Variants in AOX1 observed in about 807,000 individuals in gnomAD.
AOX1 encodes aldehyde oxidase 1.
AOX1 carries 153 observed loss-of-function variants against 169.5 expected under a neutral mutation model. That is an observed-to-expected ratio of 0.90 (90% CI 0.79 to 1.03). The LOEUF (loss-of-function observed/expected upper bound fraction) is 1.03. Among genes scored for constraint, AOX1 ranks in the 50% least tolerant of loss-of-function variants. The pLI is 0.00. For synonymous variants in AOX1, 562 were observed against 581.9 expected (o/e 0.97, Z 0.49); for missense variants, 1,656 against 1,663.9 (o/e 1.00, Z 0.08).
At chr2:200,594,263 A>C (rs2034233842) in intron 2 of AOX1, among the ~76,000 whole-genome samples, 1 of 152,194 alleles carries the variant, frequency 6.6e-6, no homozygotes, top group Non-Finnish European at 1.5e-5. Flanking sequence ...ATGTCTCTCC[A>C]TAGCACTAAG....
chr2:200,649,421 C>G (rs747599067), intron 25 of AOX1, among the ~76,000 whole-genome samples: 1 of 152,290 alleles, frequency 6.6e-6, no homozygotes, highest in African/African-American at 2.4e-5. Flanking sequence ...TCTCCCTTCC[C>G]CCTCACAGCT....
At chr2:200,672,703 G>T (rs2036046030), downstream of AOX1, among the ~76,000 whole-genome samples, 1 of 152,166 alleles carries the variant, frequency 6.6e-6, no homozygotes, top group Non-Finnish European at 1.5e-5. Flanking sequence ...GAGTGCTAAG[G>T]GAAGAAGTAG....
At chr2:200,616,715 T>A (rs2034765472) in intron 16 of AOX1, among the ~76,000 whole-genome samples, 2 of 152,216 alleles carry the variant, frequency 1.3e-5, no homozygotes, top group Non-Finnish European at 2.9e-5. Context: ...GAAGTCACCC[T>A]GTTGGTAAAG....
intron 20 of AOX1, 21 bp from the exon 21 acceptor site, chr2:200,634,770 T>C: frequency 2.5e-6 from 4 of 1,613,464 alleles, no homozygotes; most frequent in Non-Finnish European, 3.4e-6. Context: ...TCCTTGACTT[T>C]TATGTATTTT....
intron 29 of AOX1, among the ~76,000 whole-genome samples, chr2:200,660,311 C>T (rs900777499): frequency 9.9e-5 from 15 of 152,212 alleles, no homozygotes; most frequent in Non-Finnish European, 1.9e-4. Flanking sequence ...TCTGCCAGAA[C>T]TCCTGTTTTA....
At chr2:200,662,795 G>A in intron 30 of AOX1, 60 bp from the exon 31 acceptor site, 1 of 1,350,440 alleles carries the variant, frequency 7.4e-7, no homozygotes, top group Non-Finnish European at 1.1e-6. Context: ...GGTCTGTTTA[G>A]TCATCATGGT....
Position 200,627,289 on chromosome 2 carries a change from G to A in AOX1, c.2125-64G>A, listed in dbSNP as rs1394228537. 4 of 1,042,116 alleles carry A rather than the reference G, an allele frequency of 3.8e-6. No homozygotes were observed. In the African/African-American group the frequency reaches 4.7e-5, roughly 12 times the overall value. 64.6% of individuals were successfully genotyped at this position (1,042,116 alleles called of 1,614,324 possible). A position where few individuals can be genotyped will look rare whatever the true frequency, so the allele number is the denominator to read the frequency against. ...CTGCTCAGAGGATGTGCAGTGGGGT[G>A]TGTCTGCTGCCCTAGGGCAGGGTCT... On this transcript the variant is annotated intron_variant, in intron 19 of 34. Coordinates refer to ENST00000374700, the MANE Select transcript of AOX1 (RefSeq NM_001159.4).
chr2:200,613,550 A>T (rs1270328023), intron 14 of AOX1, among the ~76,000 whole-genome samples: 1 of 152,208 alleles, frequency 6.6e-6, no homozygotes, highest in Non-Finnish European at 1.5e-5. Flanking sequence ...TGTGGATTTT[A>T]TATGAGTTGT....
chr2:200,646,003 T>C (rs1161883996), intron 25 of AOX1, among the ~76,000 whole-genome samples: 1 of 152,210 alleles, frequency 6.6e-6, no homozygotes, highest in African/African-American at 2.4e-5. Context: ...TATTTATCTT[T>C]TCAAAGAACC....
At chr2:200,612,935 A>C (rs1291192213) in intron 14 of AOX1, 142 bp downstream of exon 14, 10 of 667,294 alleles carry the variant, frequency 1.5e-5, no homozygotes, top group Non-Finnish European at 2.3e-5. Context: ...TTCCAATAAG[A>C]TTTTGTTATT....
At chr2:200,679,766 T>A (rs571656938), downstream of AOX1, among the ~76,000 whole-genome samples, 1 of 151,960 alleles carries the variant, frequency 6.6e-6, no homozygotes, top group Non-Finnish European at 1.5e-5. Flanking sequence ...ATGATTCACA[T>A]CTATTATGGT....
rs1446118096 is a variant in AOX1 at position 200,668,637 on chromosome 2, G to T, written c.3632G>T (p.Gly1211Val). ...CAGATTGAAGGTGCATTTATTCAAG[G>T]CATGGGACTTTATACAATAGAGGAA... Reference protein sequence around the residue: ...IGQIEGAFIQGMGLYTIEELN... With the variant: ...IGQIEGAFIQVMGLYTIEELN... The change falls in exon 33 of 35, where the codon GGC becomes GTC. Residue 1211 changes from glycine (G) to valine (V), a missense_variant. Gly to Val is a moderately radical substitution (Grantham distance 109). Coordinates refer to ENST00000374700, the MANE Select transcript of AOX1 (RefSeq NM_001159.4). 6.2e-7 allele frequency: 1 copy of T among 1,610,906 alleles called. No individual in the cohort carries two copies. The highest frequency in any genetic ancestry group is 1.1e-5 in the South Asian group (1 of 90,222).
downstream of AOX1, among the ~76,000 whole-genome samples, chr2:200,677,813 T>C (rs1232231425): frequency 6.6e-6 from 1 of 152,168 alleles, no homozygotes; most frequent in Admixed American, 6.5e-5. Context: ...ATATCCTTGT[T>C]TTTAGCATCG....
chr2:200,609,462 C>CG, intron 12 of AOX1, 48 bp downstream of exon 12: 1 of 1,478,674 alleles, frequency 6.8e-7, no homozygotes, highest in Non-Finnish European at 9.5e-7. Context: ...TTCTCTACCC[C>CG]TTTTTCTCTC....
chr2:200,666,879 A>C lies in AOX1; in HGVS notation c.3609+127A>C, dbSNP rs1324936402. On this transcript the variant is annotated intron_variant, in intron 32 of 34. Transcript: ENST00000374700. ...TCTAACCCTTTAGTCAACTCTATTC[A>C]GACCAACTGCAGAGCTCAAATGTTT... is the stretch of plus-strand genomic sequence containing the variant. The C allele has an allele frequency of 5.7e-5, 32 of 564,134 alleles. 1 individual carries two copies. The highest frequency in any genetic ancestry group is 9.1e-5 in the Non-Finnish European group (29 of 320,158). The allele number at this position is 564,134 out of a possible 1,614,324, so 34.9% of individuals were successfully genotyped here. A position where few individuals can be genotyped will look rare whatever the true frequency, so the allele number is the denominator to read the frequency against.
chr2:200,602,019 T>C (rs1290075074), intron 5 of AOX1, among the ~76,000 whole-genome samples: 1 of 151,900 alleles, frequency 6.6e-6, no homozygotes, highest in Non-Finnish European at 1.5e-5. Context: ...TTTGAAATTA[T>C]TGTGTTGTTT....
chr2:200,662,889 G>A lies in AOX1; in HGVS notation c.3463G>A (p.Glu1155Lys), dbSNP rs200842175. The A allele has an allele frequency of 1.2e-5, 19 of 1,614,056 alleles. No homozygotes were observed. Among genetic ancestry groups the A allele is most frequent in the Middle Eastern group, 1.7e-4 (1 of 6,056 alleles). The change falls in exon 31 of 35, where the codon GAA (glutamate) becomes AAA (lysine). Residue 1155 changes from glutamate to lysine, a missense_variant. Glu to Lys is a moderately conservative substitution (Grantham distance 56). Transcript: ENST00000374700. ...GTCAGACATGAACTGGGAGAAAGGCGAAGGCCAGCCCTTCGAATACTTTGT... is the reference window on the plus strand; with the variant it reads ...GTCAGACATGAACTGGGAGAAAGGCAAAGGCCAGCCCTTCGAATACTTTGT... Reference protein sequence around the residue: ...YESDMNWEKGEGQPFEYFVYG... With the variant: ...YESDMNWEKGKGQPFEYFVYG...
In AOX1 at chr2:200,636,890, CA is replaced by C. The variant is rs1437844244; in HGVS notation, c.2347-20del. The C allele has an allele frequency of 6.2e-7, 1 of 1,606,690 alleles. No individual in the cohort carries two copies. Among genetic ancestry groups the C allele is most frequent in the Admixed American group, 1.7e-5 (1 of 58,746 alleles). ...CTTGCTGAAGATGGATCAGATTAAT[CA>C]GAACTATTATTGTTCACAGGACATT... On this transcript the variant is annotated intron_variant, in intron 21 of 34. Coordinates refer to ENST00000374700, the MANE Select transcript of AOX1 (RefSeq NM_001159.4).
intron 18 of AOX1, 140 bp from the exon 19 acceptor site, chr2:200,623,721 A>G (rs2034937685): frequency 3.1e-5 from 41 of 1,305,504 alleles, no homozygotes; most frequent in Non-Finnish European, 4.2e-5. Flanking sequence ...ATAGTCATGG[A>G]CAGATGTGGA....
Sources: allele counts gnomAD v4.1 joint callset (sites outside exome capture counted in the v4.1 genomes callset), GRCh38; gene constraint gnomAD v4.1.1; transcripts MANE v1.5; gene names NCBI Gene and HGNC (gene_info 2026-07-23, HGNC 2026-07-21).